The following C6 variants were observed in gnomAD, a reference collection of about 807,000 sequenced individuals.
C6 encodes the protein complement component C6.
In C6, 101 loss-of-function variants were observed where a neutral mutation model predicts 112.9. That is an observed-to-expected ratio of 0.89 (90% confidence interval 0.76 to 1.06). The LOEUF is 1.06. Among genes scored for constraint, C6 ranks in the 50% least tolerant of loss-of-function variants. The pLI is 0.00. For synonymous variants in C6, 431 were observed against 384.1 expected, an observed-to-expected ratio of 1.12 and a Z score of -1.43; for missense variants, 1,202 against 1,104.6, an observed-to-expected ratio of 1.09 and a Z score of -1.25.
intron 17 of C6, among the ~76,000 whole-genome samples, chr5:41,146,589 G>A (rs1391583161): frequency 6.6e-6 from 1 of 152,158 alleles, no homozygotes; most frequent in African/African-American, 2.4e-5. Flanking sequence ...AGCTAGCAGA[G>A]AAAGATCATA....
chr5:41,213,721 A>G (rs1034852420), upstream of C6: 4 of 175,450 alleles, frequency 2.3e-5, no homozygotes, highest in African/African-American at 9.6e-5. Context: ...CTCTCTTTCC[A>G]TTTTAAAGAA....
intron 17 of C6, among the ~76,000 whole-genome samples, chr5:41,148,678 A>G (rs1746080563): frequency 6.6e-6 from 1 of 152,172 alleles, no homozygotes; most frequent in Non-Finnish European, 1.5e-5. Flanking sequence ...CATGGTGGGG[A>G]GGAGAAGCAG....
intron 1 of C6, among the ~76,000 whole-genome samples, chr5:41,257,239 G>A (rs897156139): frequency 6.6e-5 from 10 of 151,928 alleles, no homozygotes; most frequent in Admixed American, 1.3e-4. Context: ...TGTAAGCAAC[G>A]TTTAGCTCCC....
chr5:41,241,524 C>A (rs1265325978), intron 1 of C6, among the ~76,000 whole-genome samples: 2 of 152,114 alleles, frequency 1.3e-5, no homozygotes, highest in Non-Finnish European at 2.9e-5. Context: ...TGCAGAGAAA[C>A]CATGAATTCA....
intron 1 of C6, among the ~76,000 whole-genome samples, chr5:41,246,883 A>G (rs1197171141): frequency 6.6e-6 from 1 of 152,206 alleles, no homozygotes; most frequent in African/African-American, 2.4e-5. Context: ...CTGGGGAGTA[A>G]TTCAGTAAAA....
chr5:41,217,582 G>A (rs1752238591), upstream of C6, among the ~76,000 whole-genome samples: 1 of 152,010 alleles, frequency 6.6e-6, no homozygotes, highest in African/African-American at 2.4e-5. Context: ...TTATGTGTTT[G>A]TTGAGTTGTT....
At chr5:41,252,832 A>T (rs1489211696) in intron 1 of C6, among the ~76,000 whole-genome samples, 1 of 152,180 alleles carries the variant, frequency 6.6e-6, no homozygotes, top group Non-Finnish European at 1.5e-5. Flanking sequence ...CCAATTGCCA[A>T]TCAGAAAATC....
chr5:41,253,407 T>C lies in C6; in HGVS notation c.-21+7787A>G, dbSNP rs548486647. On this transcript the variant is annotated intron_variant, in intron 1 of 17. Coordinates refer to the C6 transcript ENST00000263413. ...AATCTCTCTCTGTGTAGCTCTCTCCTTTTTGTTACCCTGCCCTGTGAACTC... is the reference window on the plus strand; with the variant it reads ...AATCTCTCTCTGTGTAGCTCTCTCCCTTTTGTTACCCTGCCCTGTGAACTC... Among the ~76,000 whole-genome samples the C allele has an allele frequency of 3.4e-4, 51 of 152,130 alleles. No homozygotes were observed. The Middle Eastern group carries it at 0.014, about 41-fold the overall frequency.
At chr5:41,204,584 C>T (rs1201974262) in intron 1 of C6, among the ~76,000 whole-genome samples, 1 of 150,786 alleles carries the variant, frequency 6.6e-6, no homozygotes, top group Non-Finnish European at 1.5e-5. Flanking sequence ...AAGTCAAGAG[C>T]TTGAGATCAG....
At chr5:41,233,810 G>A (rs750894769) in intron 1 of C6, among the ~76,000 whole-genome samples, 1 of 151,974 alleles carries the variant, frequency 6.6e-6, no homozygotes, top group East Asian at 1.9e-4. Flanking sequence ...CTCTAGCCAC[G>A]TTAAGTTATT....
At chr5:41,207,092 A>T (rs1281884159) in intron 1 of C6, among the ~76,000 whole-genome samples, 1 of 152,206 alleles carries the variant, frequency 6.6e-6, no homozygotes, top group Non-Finnish European at 1.5e-5. Context: ...AAAGAAAAGA[A>T]TTTTCAACCC....
At chr5:41,215,734 T>C (rs140042926), upstream of C6, among the ~76,000 whole-genome samples, 638 of 152,268 alleles carry the variant, frequency 4.2e-3, 7 homozygotes, top group African/African-American at 0.015. Context: ...GGAGCAATTA[T>C]CATTTTACCA....
intron 1 of C6, among the ~76,000 whole-genome samples, chr5:41,244,388 A>T (rs1740902403): frequency 6.6e-6 from 1 of 152,212 alleles, no homozygotes; most frequent in Non-Finnish European, 1.5e-5. Context: ...GTGTATGATA[A>T]TGGTAGGCAT....
At chr5:41,149,619 T>C (rs1002580171) in intron 16 of C6, 137 bp from the exon 17 acceptor site, 3 of 1,099,828 alleles carry the variant, frequency 2.7e-6, no homozygotes, top group Non-Finnish European at 4.1e-6. Context: ...GCCCTGGGCT[T>C]GAGTGAGAGG....
intron 1 of C6, among the ~76,000 whole-genome samples, chr5:41,233,261 A>G (rs142704863): frequency 4.9e-4 from 74 of 152,266 alleles, no homozygotes; most frequent in African/African-American, 1.7e-3. Context: ...GGTCATTATC[A>G]AAAGTAAATG....
At chr5:41,186,512 CAA>C in intron 5 of C6, 1 of 344,100 alleles carries the variant, frequency 2.9e-6, no homozygotes, top group Non-Finnish European at 5.4e-6. Flanking sequence ...AAAGCCAGTG[CAA>C]AGTTTGGAAG....
chr5:41,236,131 T>C (rs970213852), intron 1 of C6, among the ~76,000 whole-genome samples: 2 of 102,836 alleles, frequency 1.9e-5, no homozygotes, highest in Non-Finnish European at 3.8e-5. Context: ...CTTTTGGTGA[T>C]TTGGACATGA....
chr5:41,196,850 G>A (rs1280234037), intron 4 of C6, among the ~76,000 whole-genome samples: 2 of 151,888 alleles, frequency 1.3e-5, no homozygotes, highest in African/African-American at 4.8e-5. Flanking sequence ...ATTTCATAAG[G>A]ATCCTTGGAA....
chr5:41,215,187 A>G (rs1752156230), upstream of C6, among the ~76,000 whole-genome samples: 1 of 152,114 alleles, frequency 6.6e-6, no homozygotes, highest in South Asian at 2.1e-4. Flanking sequence ...GCCATTGTTT[A>G]TGGTTGCTTT....
Sources: allele counts gnomAD v4.1 joint callset (sites outside exome capture counted in the v4.1 genomes callset), GRCh38; gene constraint gnomAD v4.1.1; transcripts MANE v1.5; gene names NCBI Gene and HGNC (gene_info 2026-07-23, HGNC 2026-07-21).